The following IGF2R variants were observed in gnomAD, a reference collection of about 807,000 sequenced individuals.
The protein encoded by IGF2R is cation-independent mannose-6-phosphate receptor.
In IGF2R, 91 loss-of-function variants were observed where a neutral mutation model predicts 270.6. The ratio of observed to expected loss-of-function variants is 0.34; its 90% CI spans 0.28 to 0.40. The LOEUF (loss-of-function observed/expected upper bound fraction) is 0.40, where lower values mean the gene tolerates loss of function less well. Among genes scored for constraint, IGF2R ranks in the 10% least tolerant of loss-of-function variants. The pLI is 1.00. For synonymous variants in IGF2R, 1,316 were observed against 1,258.9 expected (o/e 1.05, Z -0.96); for missense variants, 2,805 against 3,188.3 (o/e 0.88, Z 2.90).
chr6:160,032,607 T>G lies in IGF2R; in HGVS notation c.939T>G (p.Ile313Met). 1 of 1,614,218 alleles carries G rather than the reference T, an allele frequency of 6.2e-7. No individual in the cohort carries two copies. Among genetic ancestry groups the G allele is most frequent in the Non-Finnish European group, 8.5e-7 (1 of 1,180,034 alleles). Residue 313 changes from isoleucine (I) to methionine (M), a missense_variant, in exon 8 of 48, where the codon ATT becomes ATG. Physicochemically the swap from Ile to Met is conservative, Grantham distance 10 (BLOSUM62 1). Transcript: ENST00000356956. ...KSNCRYEIEW[I>M]TEYACHRDYL... Reference sequence around the variant, plus strand: ...ACTGCCGCTATGAAATTGAGTGGATTACTGAGTATGCCTGCCACAGAGATT... The same window carrying G: ...ACTGCCGCTATGAAATTGAGTGGATGACTGAGTATGCCTGCCACAGAGATT...
chr6:160,093,697 A>G, intron 44 of IGF2R: 1 of 757,236 alleles, frequency 1.3e-6, no homozygotes, highest in Non-Finnish European at 2.5e-6. Context: ...AGGATAATGA[A>G]AAGAGCAAAG....
rs754874300 is a variant in IGF2R at position 160,048,506 on chromosome 6, A to G, written c.2477A>G (p.Tyr826Cys). 2 of 1,614,064 alleles carry G rather than the reference A, an allele frequency of 1.2e-6. No individual in the cohort carries two copies. The highest frequency in any genetic ancestry group is 1.7e-6 in the Non-Finnish European group (2 of 1,179,984). The stretch of plus-strand genomic sequence containing the variant: ...AATCCAGTGCCGGGCTGCAACCGAT[A>G]TGCATCGGCTTGCCAGATGAAGTAT... ...PLNPVPGCNR[Y>C]ASACQMKYEK... Residue 826 changes from tyrosine to cysteine, a missense_variant, in exon 18 of 48, where the codon TAT becomes TGT. Around this residue, in one of 2 missense-constraint regions of IGF2R, gnomAD observed 1,851 missense variants for 2,207.2 expected, o/e 0.84. Coordinates refer to ENST00000356956, the MANE Select transcript of IGF2R (RefSeq NM_000876.4).
intron 1 of IGF2R, among the ~76,000 whole-genome samples, chr6:159,984,447 G>A (rs961582863): frequency 2.6e-5 from 4 of 152,208 alleles, no homozygotes; most frequent in Admixed American, 2.0e-4. Context: ...ACCCAGAGCC[G>A]CTTCCAGTCC....
chr6:160,104,792 C>T lies in IGF2R; in HGVS notation c.7184C>T (p.Ser2395Leu), dbSNP rs747385681. 4 of 1,614,184 alleles carry T rather than the reference C, an allele frequency of 2.5e-6. No individual in the cohort carries two copies. Among genetic ancestry groups the T allele is most frequent in the Admixed American group, 1.7e-5 (1 of 60,024 alleles). The change falls in exon 48 of 48, where the codon TCA (serine) becomes TTA (leucine). Residue 2395 changes from serine to leucine, a missense_variant. Transcript: ENST00000356956. ...GAGAACGGCCATATTACCACCAAGT[C>T]AGTGAAAGCCCTCAGCTCCCTGCAT... ...GQENGHITTK[S>L]VKALSSLHGD...
rs1778485802 is a variant in IGF2R at position 160,063,439 on chromosome 6, C to G, written c.3695C>G (p.Pro1232Arg). The change falls in exon 27 of 48, where the codon CCA becomes CGA. Residue 1232 changes from proline to arginine, a missense_variant. This residue lies in a region of IGF2R where 1,851 missense variants were observed against 2,207.2 expected (regional missense o/e 0.84). Transcript: ENST00000356956. ...VEGDNCEVKDPRHGNLYDLKP... is the reference protein window; with the variant it reads ...VEGDNCEVKDRRHGNLYDLKP... Reference sequence around the variant, plus strand: ...GGGGACAACTGTGAGGTGAAAGACCCAAGGCATGGCAACTTGTATGACCTG... The same window carrying G: ...GGGGACAACTGTGAGGTGAAAGACCGAAGGCATGGCAACTTGTATGACCTG... The G allele has an allele frequency of 1.2e-6, 2 of 1,612,466 alleles. No homozygotes were observed. The highest frequency in any genetic ancestry group is 2.7e-5 in the African/African-American group (2 of 74,870).
At position 160,059,113 on chromosome 6, in the gene IGF2R, A is replaced by G. The variant is rs781614734; in HGVS notation, c.3091+15A>G. On this transcript the variant is annotated intron_variant, in intron 22 of 47. Transcript: ENST00000356956. The stretch of plus-strand genomic sequence containing the variant: ...CTCTGCCAAAGGTGAGCTCAGAGCC[A>G]TGTTGTTTTGTAGCTAAAAAGGGCC... 5.3e-5 allele frequency: 86 copies of G among 1,608,308 alleles called. No homozygotes were observed. In the Middle Eastern group the frequency reaches 1.1e-3, roughly 20 times the overall value.
chr6:159,998,240 T>C lies in IGF2R; in HGVS notation c.289+6917T>C, dbSNP rs1382107082. ...TTTTATTATAATACTTCAATATTTT[T>C]GGCTAATGAAAGTATGTCTTGAGTT... is the stretch of plus-strand genomic sequence containing the variant. On this transcript the variant is annotated intron_variant, in intron 2 of 47. Coordinates refer to ENST00000356956, the MANE Select transcript of IGF2R (RefSeq NM_000876.4). This position sits in a 1 kb window ranked among gnomAD's most constrained non-coding sequence, Gnocchi z 4.1. Among the ~76,000 whole-genome samples, 1 of 152,254 alleles carries C rather than the reference T, an allele frequency of 6.6e-6. No homozygotes were observed. The highest frequency in any genetic ancestry group is 1.5e-5 in the Non-Finnish European group (1 of 68,044).
At chr6:159,997,777 G>C (rs139271877) in intron 2 of IGF2R, among the ~76,000 whole-genome samples, 1 of 152,176 alleles carries the variant, frequency 6.6e-6, no homozygotes, top group South Asian at 2.1e-4. Flanking sequence ...TCTGAGAACC[G>C]GCCTCTGGCA....
chr6:160,028,908 T>A (rs547962767), intron 6 of IGF2R, among the ~76,000 whole-genome samples: 149 of 152,080 alleles, frequency 9.8e-4, no homozygotes, highest in South Asian at 2.7e-3. Context: ...TTCCTTTTTT[T>A]AAAAAAAATA....
At position 160,103,760 on chromosome 6, in the gene IGF2R, G is replaced by A; in HGVS notation, c.7010G>A (p.Ser2337Asn). 6.2e-7 allele frequency: 1 copy of A among 1,609,918 alleles called. No individual in the cohort carries two copies. The highest frequency in any genetic ancestry group is 8.5e-7 in the Non-Finnish European group (1 of 1,176,198). The change falls in exon 47 of 48, where the codon AGT (serine) becomes AAT (asparagine). Residue 2337 changes from serine (S) to asparagine (N), a missense_variant. This residue lies in a region of IGF2R where 1,851 missense variants were observed against 2,207.2 expected (regional missense o/e 0.84). Transcript: ENST00000356956. ...TTTTTTTATAGGGAAACAGTGATAA[G>A]TAAGCTGACCACTTGCTGTAGGAGA... Reference protein sequence around the residue: ...YKKERRETVISKLTTCCRRSS... With the variant: ...YKKERRETVINKLTTCCRRSS...
chr6:159,995,895 C>CTTTTTTTTTT (rs35974914), intron 2 of IGF2R, among the ~76,000 whole-genome samples: 1 of 98,770 alleles, frequency 1.0e-5, no homozygotes, highest in Non-Finnish European at 2.1e-5. Context: ...TTGCAGCGCT[C>CTTTTTTTTTT]TTTTTTTTTT....
Position 160,104,945 on chromosome 6 carries a change from G to T in IGF2R, c.7337G>T (p.Arg2446Leu). The T allele has an allele frequency of 1.2e-6, 2 of 1,614,138 alleles. No individual in the cohort carries two copies. The highest frequency in any genetic ancestry group is 1.7e-6 in the Non-Finnish European group (2 of 1,180,028). ...RNAQSNALQE[R>L]EDDRVGLVRG... The stretch of plus-strand genomic sequence containing the variant: ...GCACAGAGCAATGCCCTTCAGGAGC[G>T]TGAGGACGATAGGGTGGGGCTGGTC... Residue 2446 changes from arginine (R) to leucine (L), a missense_variant, in exon 48 of 48, where the codon CGT (arginine) becomes CTT (leucine). Physicochemically the swap from Arg to Leu is moderately radical, Grantham distance 102 (BLOSUM62 -2). Around this residue, in one of 2 missense-constraint regions of IGF2R, gnomAD observed 1,851 missense variants for 2,207.2 expected, o/e 0.84. Transcript: ENST00000356956.
intron 4 of IGF2R, among the ~76,000 whole-genome samples, chr6:160,011,631 T>G (rs1057240162): frequency 6.7e-6 from 1 of 149,074 alleles, no homozygotes; most frequent in African/African-American, 2.5e-5. Context: ...TGTTATTAAC[T>G]GTGGTTGTGG....
Position 160,102,871 on chromosome 6 carries a change from C to T in IGF2R, c.6995+200C>T, listed in dbSNP as rs868558146. On this transcript the variant is annotated intron_variant, in intron 46 of 47. Transcript: ENST00000356956. The surrounding 1 kb of genome is among the most constrained non-coding windows in gnomAD (Gnocchi z 4.5). ...GCCTGCATTTCTGTCTGACCAAGGC[C>T]GAGGCCCTCGCACATCACCCGTGCC... is the stretch of plus-strand genomic sequence containing the variant. 5.3e-5 allele frequency among the ~76,000 whole-genome samples: 8 copies of T among 152,160 alleles called. No individual in the cohort carries two copies. Among genetic ancestry groups the T allele is most frequent in the African/African-American group, 1.4e-4 (6 of 41,444 alleles).
chr6:160,079,021 G>C (rs752874224), intron 37 of IGF2R, among the ~76,000 whole-genome samples: 5 of 152,190 alleles, frequency 3.3e-5, no homozygotes, highest in Non-Finnish European at 7.4e-5. Context: ...CCCAGCACCT[G>C]CTGTGGCACG....
chr6:160,067,160 C>G (rs987209480), intron 29 of IGF2R, among the ~76,000 whole-genome samples: 1 of 152,190 alleles, frequency 6.6e-6, no homozygotes, highest in Admixed American at 6.5e-5. Flanking sequence ...TCACTCTGTT[C>G]CAGCCACACG....
rs778755042 is a variant in IGF2R, at chr6:160,061,484, G to T, written c.3263-19G>T. ...CAAGGAGGCAGAGTTCTCCAGCGTG[G>T]TTTTTTGTTGTGTTTCAGACCTGGC... On this transcript the variant is annotated intron_variant, in intron 23 of 47. Transcript: ENST00000356956. 5.0e-6 allele frequency: 8 copies of T among 1,612,650 alleles called. No homozygotes were observed. Among genetic ancestry groups the T allele is most frequent in the South Asian group, 4.4e-5 (4 of 90,860 alleles).
intron 4 of IGF2R, among the ~76,000 whole-genome samples, chr6:160,016,127 T>G (rs1167644453): frequency 6.6e-6 from 1 of 152,242 alleles, no homozygotes; most frequent in East Asian, 1.9e-4. Flanking sequence ...TTTTTTGGCC[T>G]GCTGCCAGCG....
chr6:160,048,957 C>T (rs888895820), intron 18 of IGF2R, among the ~76,000 whole-genome samples: 14 of 152,162 alleles, frequency 9.2e-5, no homozygotes, highest in Admixed American at 3.3e-4. Flanking sequence ...TTCAAGCACA[C>T]GCTCTCATTC....
Sources: allele counts gnomAD v4.1 joint callset (sites outside exome capture counted in the v4.1 genomes callset), GRCh38; gene constraint gnomAD v4.1.1; regional missense constraint gnomAD v4.1.1; non-coding constraint Gnocchi (gnomAD v3.1); transcripts MANE v1.5; gene names NCBI Gene and HGNC (gene_info 2026-07-23, HGNC 2026-07-21).